The following MCTP2 variants were observed in gnomAD, a reference collection of about 807,000 sequenced individuals.
MCTP2 encodes the protein multiple C2 and transmembrane domain-containing protein 2.
Under a neutral mutation model 111.6 loss-of-function variants are expected in MCTP2, and 132 were observed. The observed-to-expected ratio is 1.18, with a 90% confidence interval of 1.03 to 1.37. MCTP2 has a LOEUF of 1.37. Ranked by LOEUF, MCTP2 falls within the 40% of genes most tolerant of loss-of-function variation. The pLI is 0.00. For synonymous variants in MCTP2, 395 were observed against 387.7 expected, an observed-to-expected ratio of 1.02 and a Z score of -0.22; for missense variants, 1,183 against 1,067.9, an observed-to-expected ratio of 1.11 and a Z score of -1.50.
At chr15:94,289,101 T>G (rs918277584) in intron 1 of MCTP2, among the ~76,000 whole-genome samples, 1 of 152,088 alleles carries the variant, frequency 6.6e-6, no homozygotes, top group Non-Finnish European at 1.5e-5. Context: ...CAACAAGTAT[T>G]CAAAGAAATG....
intron 1 of MCTP2, 28 bp from the exon 2 acceptor site, chr15:94,298,173 T>G: frequency 5.3e-6 from 5 of 946,834 alleles, no homozygotes; most frequent in South Asian, 2.1e-5. Context: ...TGTTTGTTTG[T>G]TTTTTGTTGT....
At chr15:94,272,348 A>T (rs1193044220) in intron 1 of MCTP2, among the ~76,000 whole-genome samples, 1 of 152,188 alleles carries the variant, frequency 6.6e-6, no homozygotes, top group Non-Finnish European at 1.5e-5. Context: ...CAGTCCAATC[A>T]ATGAGTAATT....
At position 94,414,049 on chromosome 15, in the gene MCTP2, A is replaced by C. The variant is rs2082268356; in HGVS notation, c.2085+12030A>C. Among the ~76,000 whole-genome samples, 2 of 152,156 alleles carry C rather than the reference A, an allele frequency of 1.3e-5. 1 individual carries two copies. The highest frequency in any genetic ancestry group is 4.1e-4 in the South Asian group (2 of 4,836). ...GAAAACCTTTGCAGTGTACATTTTCAAGGTGGAGCTGCCTTGATTCTAAGA... is the reference window on the plus strand; with the variant it reads ...GAAAACCTTTGCAGTGTACATTTTCCAGGTGGAGCTGCCTTGATTCTAAGA... On this transcript the variant is annotated intron_variant, in intron 17 of 22. Coordinates refer to ENST00000357742, the MANE Select transcript of MCTP2 (RefSeq NM_001385001.1).
At chr15:94,245,627 T>C (rs1054518843) in intron 1 of MCTP2, among the ~76,000 whole-genome samples, 1 of 145,590 alleles carries the variant, frequency 6.9e-6, no homozygotes, top group Non-Finnish European at 1.5e-5. Flanking sequence ...CATGTATATA[T>C]ACATATACTT....
At chr15:94,360,499 A>G (rs548576927) in intron 10 of MCTP2, among the ~76,000 whole-genome samples, 5 of 152,340 alleles carry the variant, frequency 3.3e-5, no homozygotes, top group East Asian at 3.9e-4. Flanking sequence ...AAGAGCAAAG[A>G]TCAATTACGC....
intron 1 of MCTP2, among the ~76,000 whole-genome samples, chr15:94,266,315 A>AT (rs947713147): frequency 1.3e-5 from 2 of 152,044 alleles, no homozygotes; most frequent in African/African-American, 4.8e-5. Flanking sequence ...GCATGCAAAT[A>AT]TTTTTTTGAC....
intron 18 of MCTP2, 150 bp downstream of exon 18, chr15:94,440,448 C>T: frequency 1.1e-6 from 1 of 896,772 alleles, no homozygotes. Flanking sequence ...TGGAGGTCTT[C>T]TATCATGAAT....
intron 1 of MCTP2, among the ~76,000 whole-genome samples, chr15:94,245,580 A>T (rs901683750): frequency 6.9e-6 from 1 of 144,700 alleles, no homozygotes; most frequent in Non-Finnish European, 1.5e-5. Flanking sequence ...ATATATACGT[A>T]TATGTACATA....
chr15:94,238,154 C>T (rs953340346), intron 1 of MCTP2, among the ~76,000 whole-genome samples: 2 of 152,050 alleles, frequency 1.3e-5, no homozygotes, highest in East Asian at 1.9e-4. Context: ...ATATTTGGCT[C>T]GGAATAAATC....
At chr15:94,277,974 T>G (rs2074299073) in intron 1 of MCTP2, among the ~76,000 whole-genome samples, 1 of 152,188 alleles carries the variant, frequency 6.6e-6, no homozygotes, top group Non-Finnish European at 1.5e-5. Flanking sequence ...CTCTATACTT[T>G]CTACACGATG....
intron 2 of MCTP2, 112 bp from the exon 3 acceptor site, chr15:94,314,170 C>T: frequency 1.4e-6 from 1 of 697,474 alleles, no homozygotes. Flanking sequence ...CTCACTGAAG[C>T]TGCATATGCA....
At chr15:94,385,081 CTT>C (rs1344810894) in intron 13 of MCTP2, among the ~76,000 whole-genome samples, 1 of 152,152 alleles carries the variant, frequency 6.6e-6, no homozygotes, top group Non-Finnish European at 1.5e-5. Context: ...CATTTGGAAG[CTT>C]TTTAAAAATT....
chr15:94,462,623 A>T (rs1287361971), intron 20 of MCTP2, among the ~76,000 whole-genome samples: 1 of 152,240 alleles, frequency 6.6e-6, no homozygotes, highest in Non-Finnish European at 1.5e-5. Context: ...CAGCTAGATT[A>T]CATGAGTAAC....
At chr15:94,238,719 G>C (rs1453195051) in intron 1 of MCTP2, among the ~76,000 whole-genome samples, 1 of 152,146 alleles carries the variant, frequency 6.6e-6, no homozygotes, top group Admixed American at 6.5e-5. Flanking sequence ...ATGAGAGCAG[G>C]TGGTGAGGGC....
chr15:94,464,239 A>AAT (rs1555481312), intron 20 of MCTP2, among the ~76,000 whole-genome samples: 10,886 of 89,132 alleles, frequency 0.12, 1,584 homozygotes, highest in South Asian at 0.22. Context: ...TTATATATAT[A>AAT]ATATATATAT....
chr15:94,339,347 A>T lies in MCTP2; in HGVS notation c.695A>T (p.Lys232Ile), dbSNP rs1389050485. 6.2e-7 allele frequency: 1 copy of T among 1,611,854 alleles called. No homozygotes were observed. Among genetic ancestry groups the T allele is most frequent in the Non-Finnish European group, 8.5e-7 (1 of 1,178,470 alleles). ...AATGGGAAGACGCTGTACAAAAGTA[A>T]AGTCATATATAAGAACTTGAACCCA... Reference protein sequence around the residue: ...KLNGKTLYKSKVIYKNLNPVW... With the variant: ...KLNGKTLYKSIVIYKNLNPVW... The change falls in exon 5 of 23, where the codon AAA (lysine) becomes ATA (isoleucine). Residue 232 changes from lysine (K) to isoleucine (I), a missense_variant. Physicochemically the swap from Lys to Ile is moderately radical, Grantham distance 102. Coordinates refer to ENST00000357742, the MANE Select transcript of MCTP2 (RefSeq NM_001385001.1).
intron 20 of MCTP2, among the ~76,000 whole-genome samples, chr15:94,469,736 G>C (rs182676207): frequency 1.3e-5 from 2 of 152,172 alleles, no homozygotes; most frequent in Admixed American, 6.5e-5. Flanking sequence ...TTAGGCTGTG[G>C]TGTCTCTTGC....
At chr15:94,283,497 G>A (rs2074600398) in intron 1 of MCTP2, among the ~76,000 whole-genome samples, 1 of 152,118 alleles carries the variant, frequency 6.6e-6, no homozygotes, top group Non-Finnish European at 1.5e-5. Flanking sequence ...GGGGGGTTGT[G>A]GGATATCCTG....
At chr15:94,243,294 CAT>C (rs1224054439) in intron 1 of MCTP2, among the ~76,000 whole-genome samples, 5 of 145,992 alleles carry the variant, frequency 3.4e-5, no homozygotes, top group Admixed American at 2.7e-4. Context: ...TGCGTATATG[CAT>C]ATATACATAC....
Sources: allele counts gnomAD v4.1 joint callset (sites outside exome capture counted in the v4.1 genomes callset), GRCh38; gene constraint gnomAD v4.1.1; transcripts MANE v1.5; gene names NCBI Gene and HGNC (gene_info 2026-07-23, HGNC 2026-07-21).